MTCL2: variants seen among roughly 807,000 people sequenced by gnomAD.
The protein encoded by MTCL2 is microtubule cross-linking factor 2.
chr20:36,788,198 C>T, the MTCL2 span, among the ~76,000 whole-genome samples: 7 of 106,988 alleles, frequency 6.5e-5, no homozygotes, highest in Non-Finnish European at 1.2e-4. Flanking sequence ...GAGACTCCAT[C>T]TCAAAAAAAA....
the MTCL2 span, among the ~76,000 whole-genome samples, chr20:36,787,582 A>C: frequency 6.6e-6 from 1 of 152,114 alleles, no homozygotes; most frequent in Admixed American, 6.6e-5. Flanking sequence ...ACCAATAAAC[A>C]GAAATAATGA....
At chr20:36,793,227 A>G in the MTCL2 span, 4 of 1,540,042 alleles carry the variant, frequency 2.6e-6, no homozygotes, top group African/African-American at 5.5e-5. This position sits in a 1 kb window ranked among gnomAD's most constrained non-coding sequence, Gnocchi z 6.8. Context: ...ACTAAGAGAA[A>G]GGACAGATCC....
the MTCL2 span, among the ~76,000 whole-genome samples, chr20:36,842,127 T>C: frequency 6.6e-6 from 1 of 152,178 alleles, no homozygotes; most frequent in Non-Finnish European, 1.5e-5. Context: ...TGTTCCTCAC[T>C]TCTCCTTTGT....
chr20:36,795,095 C>T, the MTCL2 span, among the ~76,000 whole-genome samples: 17 of 152,106 alleles, frequency 1.1e-4, no homozygotes, highest in Admixed American at 5.9e-4. Flanking sequence ...TGCGCCACCA[C>T]GCCCAGCTAA....
the MTCL2 span, among the ~76,000 whole-genome samples, chr20:36,810,706 T>TTCTCTCCCTCCC: frequency 1.6e-5 from 1 of 60,998 alleles, no homozygotes; most frequent in Non-Finnish European, 3.7e-5. Context: ...CCTCCCCTCC[T>TTCTCTCCCTCCC]TCTCTCTCTC....
the MTCL2 span, among the ~76,000 whole-genome samples, chr20:36,808,270 T>A: frequency 1.3e-5 from 2 of 150,684 alleles, no homozygotes; most frequent in African/African-American, 4.9e-5. Context: ...GCAGGAGAAT[T>A]GCTTGAACCC....
chr20:36,817,290 GA>G, the MTCL2 span: 10 of 692,096 alleles, frequency 1.4e-5, no homozygotes, highest in East Asian at 3.2e-5. Flanking sequence ...AAAAAGAAAA[GA>G]AAAAAAGGAA....
the MTCL2 span, among the ~76,000 whole-genome samples, chr20:36,855,573 G>A: frequency 6.6e-6 from 1 of 152,230 alleles, no homozygotes; most frequent in Admixed American, 6.5e-5. Context: ...GGGGACTAGG[G>A]GAATGACCTC....
At chr20:36,805,889 G>T in the MTCL2 span, 99 of 1,613,578 alleles carry the variant, frequency 6.1e-5, no homozygotes, top group African/African-American at 1.1e-3. Flanking sequence ...TGCAGGCCTT[G>T]TTATCAGAAT....
the MTCL2 span, chr20:36,815,437 C>T: frequency 8.1e-6 from 13 of 1,611,472 alleles, no homozygotes; most frequent in Non-Finnish European, 4.2e-6. The surrounding 1 kb of genome is among the most constrained non-coding windows in gnomAD (Gnocchi z 5.3). Context: ...GCCACCAGGA[C>T]ATCGATGGCC....
the MTCL2 span, among the ~76,000 whole-genome samples, chr20:36,841,844 A>G: frequency 2.1e-3 from 316 of 149,150 alleles, no homozygotes; most frequent in African/African-American, 7.6e-3. Flanking sequence ...GACCAAAGAC[A>G]CACAACCCCA....
chr20:36,793,693 C>T, the MTCL2 span: 4 of 1,548,536 alleles, frequency 2.6e-6, no homozygotes, highest in South Asian at 2.4e-5. This position sits in a 1 kb window ranked among gnomAD's most constrained non-coding sequence, Gnocchi z 6.8. Context: ...TGCCCTGGTG[C>T]AGGTTCCACA....
chr20:36,829,156 T>A, the MTCL2 span: 2 of 1,608,124 alleles, frequency 1.2e-6, no homozygotes, highest in Non-Finnish European at 1.7e-6. Context: ...GCCGCGCCCG[T>A]TTCTTCTCCA....
At chr20:36,815,434 G>T in the MTCL2 span, 1 of 1,611,692 alleles carries the variant, frequency 6.2e-7, no homozygotes, top group Non-Finnish European at 8.5e-7. This position sits in a 1 kb window ranked among gnomAD's most constrained non-coding sequence, Gnocchi z 5.3. Context: ...TCAGCCACCA[G>T]GACATCGATG....
chr20:36,795,665 AC>A, the MTCL2 span, among the ~76,000 whole-genome samples: 6 of 152,218 alleles, frequency 3.9e-5, no homozygotes, highest in African/African-American at 1.2e-4. Flanking sequence ...AACCCCAGCT[AC>A]TCAGGAGGCT....
At chr20:36,863,124 C>T in the MTCL2 span, 3 of 1,396,568 alleles carry the variant, frequency 2.1e-6, no homozygotes, top group Non-Finnish European at 2.8e-6. The surrounding 1 kb of genome is among the most constrained non-coding windows in gnomAD (Gnocchi z 6.2). Flanking sequence ...CACTGCGCGC[C>T]CCTTCTTGTC....
the MTCL2 span, among the ~76,000 whole-genome samples, chr20:36,799,316 C>A: frequency 2.0e-5 from 3 of 152,022 alleles, no homozygotes; most frequent in Non-Finnish European, 4.4e-5. Context: ...CATGGAGAAA[C>A]CCTGTCTCTA....
chr20:36,810,717 C>CTCTCTCTCT, the MTCL2 span, among the ~76,000 whole-genome samples: 115 of 94,266 alleles, frequency 1.2e-3, 1 homozygote, highest in Admixed American at 1.7e-3. Context: ...TCTCTCTCTC[C>CTCTCTCTCT]CTCTCTCTCT....
chr20:36,802,092 C>A, the MTCL2 span, among the ~76,000 whole-genome samples: 1 of 152,040 alleles, frequency 6.6e-6, no homozygotes, highest in Non-Finnish European at 1.5e-5. Flanking sequence ...TTGAGACCAG[C>A]CTGGCCAACA....
Sources: gnomAD v4.1 joint callset for allele counts (sites outside exome capture counted in the v4.1 genomes callset) on GRCh38, gnomAD v4.1.1 for gene constraint, Gnocchi (gnomAD v3.1) non-coding constraint, MANE v1.5 for transcripts, NCBI Gene and HGNC (gene_info 2026-07-23, HGNC 2026-07-21) for gene names.